PCDHGB2: variants seen among roughly 807,000 people sequenced by gnomAD.
The protein encoded by PCDHGB2 is protocadherin gamma-B2.
PCDHGB2 carries 55 observed loss-of-function variants against 59.3 expected under a neutral mutation model. The observed-to-expected ratio is 0.93, with a 90% CI of 0.75 to 1.16. The LOEUF is 1.16. Among genes scored for constraint, PCDHGB2 ranks in the 50% most tolerant of loss-of-function variants. PCDHGB2 has a pLI of 0.00. For synonymous variants in PCDHGB2, 516 were observed against 512.0 expected, an observed-to-expected ratio of 1.01 and a Z score of -0.11; for missense variants, 1,228 against 1,198.5, an observed-to-expected ratio of 1.02 and a Z score of -0.36.
At chr5:141,484,347 T>C (rs569724902) in intron 1 of PCDHGB2, among the ~76,000 whole-genome samples, 2 of 152,302 alleles carry the variant, frequency 1.3e-5, no homozygotes, top group East Asian at 1.9e-4. Flanking sequence ...AATGGTAATT[T>C]AGTGTATCTA....
At chr5:141,395,094 G>T (rs192995605) in intron 1 of PCDHGB2, 4 of 1,614,042 alleles carry the variant, frequency 2.5e-6, no homozygotes, top group Non-Finnish European at 3.4e-6. Flanking sequence ...CTCCCTCACC[G>T]CCGACTCGCG....
At chr5:141,504,842 A>G (rs944461166) in intron 2 of PCDHGB2, among the ~76,000 whole-genome samples, 7 of 151,968 alleles carry the variant, frequency 4.6e-5, no homozygotes, top group African/African-American at 1.7e-4. Context: ...CTAGCTCTGG[A>G]ACATTCTCTT....
rs767547572 is a variant in PCDHGB2 at position 141,505,495 on chromosome 5, G to C, written c.2569+14G>C. On this transcript the variant is annotated intron_variant, in intron 3 of 3. Coordinates refer to ENST00000522605, the MANE Select transcript of PCDHGB2 (RefSeq NM_018923.3). The stretch of plus-strand genomic sequence containing the variant: ...CGTCCGCCAGTGGTAAGTGGTGTCA[G>C]TGTGTGTATGGAAGAGTGGGAGACC... 5 of 1,614,210 alleles carry C rather than the reference G, an allele frequency of 3.1e-6. No individual in the cohort carries two copies. Among genetic ancestry groups the C allele is most frequent in the Non-Finnish European group, 4.2e-6 (5 of 1,180,000 alleles).
intron 1 of PCDHGB2, chr5:141,370,587 A>G (rs775639424): frequency 6.8e-6 from 11 of 1,613,960 alleles, no homozygotes; most frequent in Non-Finnish European, 8.5e-6. Context: ...ACCTACTAGG[A>G]ACCTGCGGGT....
At chr5:141,463,324 T>C (rs1413608053) in intron 1 of PCDHGB2, among the ~76,000 whole-genome samples, 1 of 150,722 alleles carries the variant, frequency 6.6e-6, no homozygotes, top group Non-Finnish European at 1.5e-5. Context: ...ATTCCTCAAC[T>C]CAGCAAAACC....
chr5:141,405,407 C>CT lies in PCDHGB2; in HGVS notation c.2421+42858dup, dbSNP rs762612492. 13 of 1,582,050 alleles carry CT rather than the reference C, an allele frequency of 8.2e-6. No individual in the cohort carries two copies. In the East Asian group the frequency reaches 1.6e-4, roughly 19 times the overall value. On this transcript the variant is annotated intron_variant, in intron 1 of 3. Transcript: ENST00000522605. Reference sequence around the variant, plus strand: ...TTCATTTTTTTTCTTTCTTTCTTTTCTTTTTTTGTTTTTTGTTTTGTTTTG... The same window carrying CT: ...TTCATTTTTTTTCTTTCTTTCTTTTCTTTTTTTTGTTTTTTGTTTTGTTTTG...
intron 1 of PCDHGB2, among the ~76,000 whole-genome samples, chr5:141,492,206 G>T (rs1180294159): frequency 6.6e-6 from 1 of 152,204 alleles, no homozygotes; most frequent in African/African-American, 2.4e-5. Context: ...TTAGGTGTGC[G>T]CGCGGGGCTC....
At chr5:141,454,685 C>A (rs1305853379) in intron 1 of PCDHGB2, among the ~76,000 whole-genome samples, 1 of 151,844 alleles carries the variant, frequency 6.6e-6, no homozygotes, top group Non-Finnish European at 1.5e-5. Context: ...GGATTACAGG[C>A]ATGAGCCACC....
chr5:141,476,597 G>C lies in PCDHGB2; in HGVS notation c.2422-18210G>C, dbSNP rs2099394582. On this transcript the variant is annotated intron_variant, in intron 1 of 3. Coordinates refer to ENST00000522605, the MANE Select transcript of PCDHGB2 (RefSeq NM_018923.3). The surrounding 1 kb of genome is among the most constrained non-coding windows in gnomAD (Gnocchi z 7.6). ...GCGCTTTCCGCTCGAGAGCGCGCAC[G>C]ATCCCGATGTGGGAAGCAACTCTTT... The C allele has an allele frequency of 1.2e-6, 2 of 1,614,112 alleles. No individual in the cohort carries two copies. The highest frequency in any genetic ancestry group is 1.7e-6 in the Non-Finnish European group (2 of 1,180,046).
At chr5:141,415,740 GTTTTTTTTTTTTT>G (rs57426385) in intron 1 of PCDHGB2, 160 of 625,000 alleles carry the variant, frequency 2.6e-4, no homozygotes, top group Middle Eastern at 1.1e-3. Context: ...GTTTATTAAG[GTTTTTTTTTTTTT>G]TTTTTTTTTT....
At chr5:141,497,142 C>T (rs1316569011) in intron 2 of PCDHGB2, among the ~76,000 whole-genome samples, 2 of 149,678 alleles carry the variant, frequency 1.3e-5, no homozygotes, top group South Asian at 2.1e-4. Context: ...GCTGAGATCA[C>T]GAAAAAAAAA....
intron 1 of PCDHGB2, chr5:141,371,485 C>G: frequency 6.2e-7 from 1 of 1,613,980 alleles, no homozygotes; most frequent in South Asian, 1.1e-5. Context: ...GAGCTGGGGA[C>G]TGCCGTTGCC....
intron 1 of PCDHGB2, among the ~76,000 whole-genome samples, chr5:141,363,857 T>C (rs1243466547): frequency 6.6e-6 from 1 of 152,164 alleles, no homozygotes; most frequent in African/African-American, 2.4e-5. Context: ...GGACTAAATA[T>C]AGATAAGAGG....
chr5:141,364,561 G>A (rs1763407213), intron 1 of PCDHGB2: 1 of 1,614,078 alleles, frequency 6.2e-7, no homozygotes. Flanking sequence ...TTTTTGCCCT[G>A]AACCCGCGAA....
At chr5:141,427,825 C>T (rs1342117815) in intron 1 of PCDHGB2, 2 of 1,536,464 alleles carry the variant, frequency 1.3e-6, no homozygotes, top group Non-Finnish European at 1.8e-6. Flanking sequence ...GTGGTGGTCG[C>T]GCAGCGTGCC....
rs1762432335 is a variant in PCDHGB2 at position 141,362,307 on chromosome 5, G to A, written c.2172G>A (p.Trp724Ter). ...GACTCTCTTCCAGGTCAGATGCTTG[G>A]GACTGTTTTCAGCCTGGTCTCAGCT... The part of the protein sequence containing the change: ...RLRLSSRSDA[W>*]DCFQPGLSSK... Residue 724 changes from tryptophan to a stop codon, truncating the protein, a stop_gained, in exon 1 of 4, where the codon TGG becomes TGA. Transcript: ENST00000522605. LOFTEE classifies it high-confidence loss of function. The A allele has an allele frequency of 6.2e-7, 1 of 1,613,910 alleles. No homozygotes were observed. The highest frequency in any genetic ancestry group is 8.5e-7 in the Non-Finnish European group (1 of 1,179,900).
At chr5:141,414,948 G>A (rs957548133) in intron 1 of PCDHGB2, 20 of 1,614,084 alleles carry the variant, frequency 1.2e-5, no homozygotes, top group South Asian at 2.2e-5. Flanking sequence ...CCGGCTACCT[G>A]GTGACCAAGG....
intron 1 of PCDHGB2, chr5:141,410,847 G>GTTTTTT (rs773839667): frequency 6.3e-5 from 10 of 158,328 alleles, no homozygotes; most frequent in Admixed American, 1.8e-4. Flanking sequence ...TTTTGTCTTT[G>GTTTTTT]TCTTTTTTTT....
At chr5:141,396,447 C>T (rs1200125693) in intron 1 of PCDHGB2, 2 of 152,068 alleles carry the variant, frequency 1.3e-5, no homozygotes, top group South Asian at 2.1e-4. Flanking sequence ...GGTGAAACCC[C>T]GTCTCTACTA....
Sources: gnomAD v4.1 joint callset for allele counts (sites outside exome capture counted in the v4.1 genomes callset) on GRCh38, gnomAD v4.1.1 for gene constraint, Gnocchi (gnomAD v3.1) non-coding constraint, MANE v1.5 for transcripts, NCBI Gene and HGNC (gene_info 2026-07-23, HGNC 2026-07-21) for gene names.